The following FGF14 variants were observed in gnomAD, a reference collection of about 807,000 sequenced individuals.
The protein encoded by FGF14 is fibroblast growth factor homologous factor 4.
FGF14 carries 5 observed loss-of-function variants against 25.5 expected under a neutral mutation model. The observed-to-expected ratio is 0.20, with a 90% confidence interval of 0.10 to 0.41. FGF14 has a LOEUF of 0.41. Among genes scored for constraint, FGF14 ranks in the 10% least tolerant of loss-of-function variants. The pLI is 1.00. For missense variants in FGF14, 222 were observed against 320.1 expected, an observed-to-expected ratio of 0.69 and a Z score of 2.34; for synonymous variants, 138 against 118.3, an observed-to-expected ratio of 1.17 and a Z score of -1.08.
intron 3 of FGF14, among the ~76,000 whole-genome samples, chr13:101,749,600 T>C (rs1391327307): frequency 6.6e-6 from 1 of 152,134 alleles, no homozygotes; most frequent in Non-Finnish European, 1.5e-5. Context: ...TCCAATGTTT[T>C]CTCTACATGT....
chr13:102,048,421 A>G (rs771551044), intron 1 of FGF14, among the ~76,000 whole-genome samples: 2 of 152,096 alleles, frequency 1.3e-5, no homozygotes, highest in Non-Finnish European at 2.9e-5. Context: ...ATTTTTTGTT[A>G]CATCTTTCAC....
At chr13:101,880,252 C>T (rs1009611808) in intron 1 of FGF14, among the ~76,000 whole-genome samples, 2 of 152,088 alleles carry the variant, frequency 1.3e-5, no homozygotes, top group African/African-American at 4.8e-5. Context: ...TGTCTGCAGG[C>T]ACTAGAGATA....
At chr13:101,752,147 A>G (rs531139747) in intron 3 of FGF14, among the ~76,000 whole-genome samples, 3 of 152,320 alleles carry the variant, frequency 2.0e-5, no homozygotes, top group Non-Finnish European at 4.4e-5. Context: ...CACCTTTGAT[A>G]CACTTTAACT....
intron 1 of FGF14, among the ~76,000 whole-genome samples, chr13:102,052,675 A>G (rs2042266285): frequency 6.6e-6 from 1 of 152,122 alleles, no homozygotes; most frequent in Non-Finnish European, 1.5e-5. Context: ...AGAATACCGT[A>G]TCCAGCAAAT....
At chr13:102,276,359 A>G (rs71435119) in intron 1 of FGF14, among the ~76,000 whole-genome samples, 64,829 of 112,670 alleles carry the variant, frequency 0.58, 18,426 homozygotes, top group Middle Eastern at 0.67. Context: ...GTGTGTATAT[A>G]TATATATATA....
At chr13:102,313,730 T>A (rs908220806) in intron 1 of FGF14, among the ~76,000 whole-genome samples, 1 of 152,198 alleles carries the variant, frequency 6.6e-6, no homozygotes, top group Non-Finnish European at 1.5e-5. Context: ...TATTCTTGTT[T>A]GCATTAAAGA....
At chr13:101,949,172 T>C (rs9557762) in intron 1 of FGF14, among the ~76,000 whole-genome samples, 30,957 of 152,134 alleles carry the variant, frequency 0.2, 3,682 homozygotes, top group East Asian at 0.52. Flanking sequence ...TTTCTCTCTA[T>C]GAAATGGTCA....
intron 1 of FGF14, among the ~76,000 whole-genome samples, chr13:102,306,322 G>A (rs1374443441): frequency 1.3e-5 from 2 of 152,186 alleles, no homozygotes; most frequent in Middle Eastern, 3.2e-3. Flanking sequence ...ATTCCTGGCT[G>A]TGGAGCAGCT....
At chr13:102,398,397 G>C (rs1051861919) in intron 1 of FGF14, among the ~76,000 whole-genome samples, 2 of 152,104 alleles carry the variant, frequency 1.3e-5, no homozygotes, top group Non-Finnish European at 2.9e-5. Context: ...CTTGTTGACA[G>C]TTTAGCGAAT....
intron 3 of FGF14, among the ~76,000 whole-genome samples, chr13:101,848,143 T>C (rs2043560703): frequency 6.6e-6 from 1 of 152,026 alleles, no homozygotes. Context: ...TAGGATTATA[T>C]TTTTTTAAAA....
rs9585858 is a variant in FGF14, at chr13:102,149,555, A to T, written c.208+251916T>A. On this transcript the variant is annotated intron_variant, in intron 1 of 4. Coordinates refer to the FGF14 transcript ENST00000376131. ...CACCTTGGAAAACATTAATACAAAGACTCAAAGTGCAACCTCATGGAAGAG... is the reference window on the plus strand; with the variant it reads ...CACCTTGGAAAACATTAATACAAAGTCTCAAAGTGCAACCTCATGGAAGAG... Among the ~76,000 whole-genome samples, 573 of 152,292 alleles carry T rather than the reference A, an allele frequency of 3.8e-3. 6 individuals carry two copies. The highest frequency in any genetic ancestry group is 0.012 in the African/African-American group (503 of 41,562).
intron 3 of FGF14, among the ~76,000 whole-genome samples, chr13:101,853,424 A>C (rs188514883): frequency 6.6e-6 from 1 of 152,140 alleles, no homozygotes; most frequent in East Asian, 1.9e-4. Context: ...GCACAAAAAT[A>C]CTTCAGTGTA....
At chr13:102,312,867 T>C (rs192895884) in intron 1 of FGF14, among the ~76,000 whole-genome samples, 1 of 152,356 alleles carries the variant, frequency 6.6e-6, no homozygotes, top group East Asian at 1.9e-4. Flanking sequence ...GCCCTACTTC[T>C]GGACTCCGTC....
intron 1 of FGF14, among the ~76,000 whole-genome samples, chr13:102,288,154 T>C (rs1358314922): frequency 6.6e-6 from 1 of 152,218 alleles, no homozygotes; most frequent in Non-Finnish European, 1.5e-5. Flanking sequence ...TTTTTTATTT[T>C]CCTCAATCAT....
At chr13:101,931,325 C>G (rs2034735794) in intron 1 of FGF14, among the ~76,000 whole-genome samples, 2 of 152,274 alleles carry the variant, frequency 1.3e-5, no homozygotes, top group South Asian at 4.1e-4. Context: ...AGTTCCAAGT[C>G]TTCACTCATT....
intron 1 of FGF14, among the ~76,000 whole-genome samples, chr13:102,074,445 A>G (rs555256604): frequency 3.0e-4 from 46 of 152,360 alleles, no homozygotes; most frequent in African/African-American, 9.9e-4. Context: ...CTGGAAAAAT[A>G]CAACTATTCA....
chr13:102,070,176 C>T (rs1469313507), intron 1 of FGF14, among the ~76,000 whole-genome samples: 1 of 152,056 alleles, frequency 6.6e-6, no homozygotes, highest in African/African-American at 2.4e-5. Flanking sequence ...TCAAACAACT[C>T]AATAAGAAAA....
chr13:101,850,093 C>T (rs1251266989), intron 3 of FGF14, among the ~76,000 whole-genome samples: 1 of 151,440 alleles, frequency 6.6e-6, no homozygotes, highest in Non-Finnish European at 1.5e-5. Context: ...ATCCATTATC[C>T]AAATGCAATG....
intron 1 of FGF14, among the ~76,000 whole-genome samples, chr13:102,096,875 G>T (rs12856166): frequency 0.46 from 70,150 of 151,700 alleles, 18,591 homozygotes; most frequent in Non-Finnish European, 0.6. Context: ...TAAAAAATAA[G>T]AAGAAGAAAT....
Sources: gnomAD v4.1 joint callset for allele counts (sites outside exome capture counted in the v4.1 genomes callset) on GRCh38, gnomAD v4.1.1 for gene constraint, MANE v1.5 for transcripts, NCBI Gene and HGNC (gene_info 2026-07-23, HGNC 2026-07-21) for gene names.